MLPH: variants seen among roughly 807,000 people sequenced by gnomAD.
MLPH encodes the protein exophilin-3.
In MLPH, 51 loss-of-function variants were observed where a neutral mutation model predicts 72.1. That is an observed-to-expected ratio of 0.71 (90% CI 0.56 to 0.89). The LOEUF (loss-of-function observed/expected upper bound fraction) is 0.89, where lower values mean the gene tolerates loss of function less well. MLPH is among the 40% of genes least tolerant of loss of function. The pLI is 0.00. For missense variants in MLPH, 743 were observed against 759.9 expected (o/e 0.98, Z 0.26); for synonymous variants, 301 against 310.1 (o/e 0.97, Z 0.31).
At chr2:237,496,398 G>A (rs187250109) in intron 2 of MLPH, among the ~76,000 whole-genome samples, 6 of 152,184 alleles carry the variant, frequency 3.9e-5, no homozygotes, top group East Asian at 1.9e-4. Flanking sequence ...ACCCCCATGC[G>A]TTTCCTGTCT....
intron 8 of MLPH, 26 bp from the exon 9 acceptor site, chr2:237,534,538 C>T (rs752182283): frequency 1.3e-6 from 2 of 1,599,752 alleles, no homozygotes; most frequent in African/African-American, 2.7e-5. Flanking sequence ...GGTCCTCTGC[C>T]CACTGTTTCT....
At chr2:237,542,685 A>AGGG (rs1388159208) in intron 12 of MLPH, 26 bp downstream of exon 12, 2 of 1,247,424 alleles carry the variant, frequency 1.6e-6, no homozygotes, top group Non-Finnish European at 2.1e-6. Context: ...TGGTGAGTGG[A>AGGG]GACAGTGCTG....
chr2:237,492,601 A>G (rs1284213125), intron 1 of MLPH, among the ~76,000 whole-genome samples: 2 of 152,192 alleles, frequency 1.3e-5, no homozygotes, highest in African/African-American at 4.8e-5. Flanking sequence ...CCCACAGCTG[A>G]CCTCTCGAGT....
At chr2:237,494,846 G>C (rs1367636612) in intron 2 of MLPH, among the ~76,000 whole-genome samples, 2 of 152,310 alleles carry the variant, frequency 1.3e-5, no homozygotes, top group Admixed American at 6.5e-5. Context: ...ATGGTGAAAC[G>C]GATGAAAGGT....
chr2:237,494,688 G>GA (rs1460489084), intron 2 of MLPH, among the ~76,000 whole-genome samples: 1 of 152,180 alleles, frequency 6.6e-6, no homozygotes, highest in African/African-American at 2.4e-5. Flanking sequence ...CTCTGCTGGG[G>GA]AGGCCACAGA....
chr2:237,527,771 C>A, intron 8 of MLPH: 1 of 529,654 alleles, frequency 1.9e-6, no homozygotes, highest in South Asian at 2.1e-5. Flanking sequence ...AACAATTCCA[C>A]TTCTTGGTAT....
Position 237,522,582 on chromosome 2 carries a change from A to G in MLPH, c.675+2553A>G, listed in dbSNP as rs535687686. Among the ~76,000 whole-genome samples, 24 of 147,076 alleles carry G rather than the reference A, an allele frequency of 1.6e-4. No individual in the cohort carries two copies. The South Asian group carries it at 4.9e-3, about 30-fold the overall frequency. On this transcript the variant is annotated intron_variant, in intron 6 of 15. Coordinates refer to ENST00000264605, the MANE Select transcript of MLPH (RefSeq NM_024101.7). ...GGGCTTGGACCTTGAAACACCTGCT[A>G]CAACTATAGTGCTGGAGTGGAGTAG...
At chr2:237,495,533 G>A (rs1010469186) in intron 2 of MLPH, among the ~76,000 whole-genome samples, 1 of 152,174 alleles carries the variant, frequency 6.6e-6, no homozygotes, top group Admixed American at 6.5e-5. Flanking sequence ...AGTAGAAGAG[G>A]GACTTTGGGT....
At chr2:237,524,789 C>T (rs1261901105) in intron 6 of MLPH, among the ~76,000 whole-genome samples, 2 of 152,226 alleles carry the variant, frequency 1.3e-5, no homozygotes, top group Non-Finnish European at 2.9e-5. Context: ...GGCCCAAGGC[C>T]GGCTTCATAG....
chr2:237,542,814 G>A (rs1011206381), intron 12 of MLPH, among the ~76,000 whole-genome samples, 155 bp downstream of exon 12: 2 of 39,664 alleles, frequency 5.0e-5, no homozygotes, highest in Non-Finnish European at 8.7e-5. Flanking sequence ...GAGGGACAGT[G>A]GTGAGTGGGG....
intron 5 of MLPH, among the ~76,000 whole-genome samples, chr2:237,518,929 G>A (rs148302698): frequency 0.017 from 2,588 of 152,268 alleles, 45 homozygotes; most frequent in South Asian, 0.068. Context: ...GGGGCACACG[G>A]GTGTAGTGAG....
chr2:237,551,254 G>A (rs1221867223), intron 14 of MLPH, among the ~76,000 whole-genome samples: 10 of 152,364 alleles, frequency 6.6e-5, no homozygotes, highest in East Asian at 3.9e-4. Context: ...GAGCGGGGAC[G>A]GAGGGCCGGC....
intron 2 of MLPH, among the ~76,000 whole-genome samples, chr2:237,497,167 G>A (rs1007683059): frequency 6.6e-5 from 10 of 152,142 alleles, no homozygotes; most frequent in African/African-American, 2.4e-4. Flanking sequence ...AGTATCTAAC[G>A]CTGCCGCTGA....
intron 12 of MLPH, among the ~76,000 whole-genome samples, chr2:237,545,181 TG>T (rs779278448): frequency 2.4e-4 from 1 of 4,200 alleles, no homozygotes; most frequent in Non-Finnish European, 4.6e-4. Flanking sequence ...CAGTGGTGAG[TG>T]GAGGGCACAG....
chr2:237,543,037 T>G (rs1277970952), intron 12 of MLPH, among the ~76,000 whole-genome samples: 1 of 29,928 alleles, frequency 3.3e-5, no homozygotes, highest in Non-Finnish European at 5.9e-5. Context: ...GGGACAGTAG[T>G]GAGTGGGGGG....
At chr2:237,508,896 G>A (rs1439100551) in intron 2 of MLPH, among the ~76,000 whole-genome samples, 2 of 152,152 alleles carry the variant, frequency 1.3e-5, no homozygotes, top group Admixed American at 6.5e-5. Flanking sequence ...GACTTGTTTC[G>A]AGTCTGTTTC....
intron 11 of MLPH, among the ~76,000 whole-genome samples, chr2:237,542,098 T>C (rs759909722): frequency 1.5e-4 from 23 of 151,710 alleles, no homozygotes; most frequent in Admixed American, 2.6e-4. Flanking sequence ...AGGATCTGAG[T>C]AGGGGGTGAT....
At chr2:237,499,550 G>T (rs988616673) in intron 2 of MLPH, among the ~76,000 whole-genome samples, 1 of 152,132 alleles carries the variant, frequency 6.6e-6, no homozygotes, top group Non-Finnish European at 1.5e-5. Context: ...GGTTACAGGA[G>T]AGAAGAACTA....
Position 237,517,453 on chromosome 2 carries a change from G to A in MLPH, c.446-1086G>A, listed in dbSNP as rs1485474197. 2.0e-5 allele frequency among the ~76,000 whole-genome samples: 3 copies of A among 151,474 alleles called. No individual in the cohort carries two copies. In the East Asian group the frequency reaches 5.9e-4, roughly 30 times the overall value. ...TGGATAGGTGGATGGATGGATGCAT[G>A]GATGGATGGATGGATAGATAGATAA... On this transcript the variant is annotated intron_variant, in intron 4 of 15. Transcript: ENST00000264605.
Sources: allele counts gnomAD v4.1 joint callset (sites outside exome capture counted in the v4.1 genomes callset), GRCh38; gene constraint gnomAD v4.1.1; transcripts MANE v1.5; gene names NCBI Gene and HGNC (gene_info 2026-07-23, HGNC 2026-07-21).